The following USP8 variants were observed in gnomAD, a reference collection of about 807,000 sequenced individuals.
USP8 encodes the protein ubiquitin carboxyl-terminal hydrolase 8.
Under a neutral mutation model 130.0 loss-of-function variants are expected in USP8, and 27 were observed. That is an observed-to-expected ratio of 0.21 (90% CI 0.15 to 0.29). The LOEUF is 0.29. Ranked by LOEUF, USP8 falls within the 10% of genes least tolerant of loss-of-function variation. The probability of loss-of-function intolerance (pLI) is 1.00; values close to 1 mark genes in which losing one functional copy is unlikely to be tolerated. For missense variants in USP8, 1,029 were observed against 1,312.2 expected (o/e 0.78, Z 3.33); for synonymous variants, 392 against 444.1 (o/e 0.88, Z 1.48).
intron 6 of USP8, 137 bp from the exon 7 acceptor site, chr15:50,464,910 G>A (rs1438843936): frequency 1.2e-6 from 1 of 843,916 alleles, no homozygotes; most frequent in African/African-American, 1.8e-5. Context: ...ATGGTATGAT[G>A]GAGTAGTAAA....
At chr15:50,467,572 T>C (rs1157267350) in intron 7 of USP8, among the ~76,000 whole-genome samples, 1 of 152,186 alleles carries the variant, frequency 6.6e-6, no homozygotes, top group Admixed American at 6.5e-5. Flanking sequence ...TTTATTTATT[T>C]TTGAGACAGG....
chr15:50,494,423 A>G, intron 16 of USP8, 143 bp downstream of exon 16: 1 of 666,298 alleles, frequency 1.5e-6, no homozygotes, highest in Non-Finnish European at 2.4e-6. Context: ...GAATTATAAA[A>G]CATCAGGTAA....
intron 3 of USP8, among the ~76,000 whole-genome samples, chr15:50,445,263 A>T (rs1229223385): frequency 6.6e-6 from 1 of 151,738 alleles, no homozygotes. Context: ...TTAGAGATTT[A>T]GGCTGGGCGC....
intron 5 of USP8, among the ~76,000 whole-genome samples, chr15:50,459,535 G>A (rs1247796329): frequency 6.6e-6 from 1 of 152,066 alleles, no homozygotes; most frequent in East Asian, 1.9e-4. Flanking sequence ...AGTGAGCTGA[G>A]ATCGTACCAC....
At chr15:50,485,055 T>A (rs200705874) in intron 12 of USP8, among the ~76,000 whole-genome samples, 2 of 152,340 alleles carry the variant, frequency 1.3e-5, no homozygotes, top group East Asian at 3.9e-4. Context: ...TTCTGGAGAT[T>A]GTTGGCACAG....
intron 4 of USP8, among the ~76,000 whole-genome samples, chr15:50,453,668 T>C (rs114535846): frequency 0.016 from 2,361 of 152,250 alleles, 62 homozygotes; most frequent in African/African-American, 0.055. Context: ...TTACTGACTG[T>C]GGGATGGGGG....
chr15:50,444,501 C>T (rs1409666153), intron 3 of USP8: 1 of 151,600 alleles, frequency 6.6e-6, no homozygotes, highest in Non-Finnish European at 1.5e-5. Context: ...ATTTTTGTAG[C>T]CGCCTTTTTT....
intron 5 of USP8, among the ~76,000 whole-genome samples, 182 bp from the exon 6 acceptor site, chr15:50,462,098 C>A (rs948262410): frequency 9.2e-5 from 14 of 151,972 alleles, no homozygotes; most frequent in Admixed American, 5.9e-4. Context: ...GTTATTTTAG[C>A]TGTTGTCTAC....
chr15:50,424,563 G>A (rs1002250753), intron 1 of USP8, 49 bp downstream of exon 1: 8 of 398,376 alleles, frequency 2.0e-5, no homozygotes, highest in African/African-American at 1.2e-4. Flanking sequence ...GAAGTCGTCC[G>A]CTGTGAACGA....
intron 12 of USP8, 113 bp from the exon 13 acceptor site, chr15:50,489,688 G>C: frequency 1.6e-6 from 1 of 622,894 alleles, no homozygotes; most frequent in Non-Finnish European, 2.4e-6. Flanking sequence ...GCCAAGGCAA[G>C]GTTTTTTGAT....
intron 3 of USP8, among the ~76,000 whole-genome samples, chr15:50,441,818 C>T (rs931931918): frequency 1.3e-5 from 2 of 151,846 alleles, no homozygotes; most frequent in African/African-American, 2.4e-5. Context: ...GAAAACATGA[C>T]TGTGTTTTTT....
intron 12 of USP8, 121 bp from the exon 13 acceptor site, chr15:50,489,680 C>T: frequency 1.8e-6 from 1 of 551,284 alleles, no homozygotes; most frequent in Non-Finnish European, 2.9e-6. Context: ...GAAGGGCAGC[C>T]AAGGCAAGGT....
At chr15:50,483,516 C>T (rs948904339) in intron 11 of USP8, among the ~76,000 whole-genome samples, 1 of 152,258 alleles carries the variant, frequency 6.6e-6, no homozygotes, top group African/African-American at 2.4e-5. Flanking sequence ...ATCTACGGGC[C>T]GGGCGCGTTG....
chr15:50,439,713 C>T (rs1316986849), intron 2 of USP8, among the ~76,000 whole-genome samples: 4 of 151,360 alleles, frequency 2.6e-5, no homozygotes, highest in Non-Finnish European at 4.4e-5. Context: ...TTGCTTGAAC[C>T]CGGGAGGCGG....
At chr15:50,456,541 T>C (rs1464636226) in intron 4 of USP8, among the ~76,000 whole-genome samples, 1 of 145,200 alleles carries the variant, frequency 6.9e-6, no homozygotes, top group Non-Finnish European at 1.5e-5. Context: ...ACCACTGCTC[T>C]CCAGCCCAGG....
intron 10 of USP8, among the ~76,000 whole-genome samples, chr15:50,477,798 A>T (rs1595961272): frequency 6.6e-6 from 1 of 151,534 alleles, no homozygotes; most frequent in African/African-American, 2.4e-5. Flanking sequence ...TCGAGATTGC[A>T]CCACTGCACC....
intron 19 of USP8, 46 bp downstream of exon 19, chr15:50,498,774 TAAAA>T: frequency 6.4e-7 from 1 of 1,567,194 alleles, no homozygotes; most frequent in Non-Finnish European, 8.7e-7. Flanking sequence ...AAAGCAAGTT[TAAAA>T]AAAGTTTTAA....
chr15:50,453,659 T>C (rs1467773499), intron 4 of USP8, among the ~76,000 whole-genome samples: 3 of 152,216 alleles, frequency 2.0e-5, no homozygotes, highest in Non-Finnish European at 4.4e-5. Context: ...TCTTTATCTT[T>C]ACTGACTGTG....
intron 3 of USP8, 68 bp from the exon 4 acceptor site, chr15:50,449,332 A>G: frequency 1.0e-6 from 1 of 1,004,738 alleles, no homozygotes; most frequent in Non-Finnish European, 1.4e-6. Context: ...GATTTTAATG[A>G]TTTTAACACT....
Sources: gnomAD v4.1 joint callset for allele counts (sites outside exome capture counted in the v4.1 genomes callset) on GRCh38, gnomAD v4.1.1 for gene constraint, MANE v1.5 for transcripts, NCBI Gene and HGNC (gene_info 2026-07-23, HGNC 2026-07-21) for gene names.